The following DNAJC3 variants were observed in gnomAD, a reference collection of about 807,000 sequenced individuals.
DNAJC3 encodes dnaJ homolog subfamily C member 3.
DNAJC3 carries 38 observed loss-of-function variants against 68.6 expected under a neutral mutation model. The observed-to-expected ratio is 0.55, with a 90% CI of 0.43 to 0.73. The LOEUF (loss-of-function observed/expected upper bound fraction) is 0.73. DNAJC3 is among the 30% of genes least tolerant of loss of function. The pLI is 0.00. For missense variants in DNAJC3, 526 were observed against 591.9 expected (o/e 0.89, Z 1.16); for synonymous variants, 203 against 204.0 (o/e 1.00, Z 0.04).
chr13:95,787,021 A>G lies in DNAJC3; in HGVS notation c.1223A>G (p.Gln408Arg). The change falls in exon 11 of 12, where the codon CAA becomes CGA. Residue 408 changes from glutamine to arginine, a missense_variant. Physicochemically the swap from Gln to Arg is conservative, Grantham distance 43. Coordinates refer to ENST00000602402, the MANE Select transcript of DNAJC3 (RefSeq NM_006260.5). The part of the protein sequence containing the change: ...ILGVKRNAKK[Q>R]EIIKAYRKLA... ...CCACCCCTCAGAAATGCCAAAAAGC[A>G]AGAAATTATTAAAGCATACCGAAAA... is the stretch of plus-strand genomic sequence containing the variant. 6.2e-7 allele frequency: 1 copy of G among 1,608,574 alleles called. No individual in the cohort carries two copies. The highest frequency in any genetic ancestry group is 1.7e-5 in the Admixed American group (1 of 58,708).
chr13:95,761,256 AGAG>A (rs1400408871), intron 7 of DNAJC3, among the ~76,000 whole-genome samples: 1 of 152,166 alleles, frequency 6.6e-6, no homozygotes, highest in East Asian at 1.9e-4. Flanking sequence ...AAGGAGTAAA[AGAG>A]GAGCTTTTTT....
intron 4 of DNAJC3, among the ~76,000 whole-genome samples, chr13:95,739,913 C>T (rs1176446874): frequency 1.3e-5 from 2 of 152,182 alleles, no homozygotes; most frequent in African/African-American, 4.8e-5. Context: ...TCCAGTTTTT[C>T]TGTTCTGTTT....
At chr13:95,740,586 C>T (rs377481461) in intron 4 of DNAJC3, among the ~76,000 whole-genome samples, 4 of 152,106 alleles carry the variant, frequency 2.6e-5, no homozygotes, top group Non-Finnish European at 4.4e-5. Flanking sequence ...AGGTGCTGTC[C>T]GTCACCCCTT....
intron 1 of DNAJC3, among the ~76,000 whole-genome samples, chr13:95,687,713 C>T (rs1880106909): frequency 6.6e-6 from 1 of 152,146 alleles, no homozygotes; most frequent in Non-Finnish European, 1.5e-5. Context: ...AATGTGATAC[C>T]TCCAGCTTAG....
At position 95,782,759 on chromosome 13, in the gene DNAJC3, G is replaced by A. The variant is rs118039119; in HGVS notation, c.1076-3180G>A. ...CCATTCATGGCAACAAAATTCTCCC[G>A]TGTAGGTTGCCTGTTCACTCTGATG... On this transcript the variant is annotated intron_variant, in intron 9 of 11. Coordinates refer to ENST00000602402, the MANE Select transcript of DNAJC3 (RefSeq NM_006260.5). Among the ~76,000 whole-genome samples, 646 of 152,110 alleles carry A rather than the reference G, an allele frequency of 4.2e-3. 1 individual carries two copies. The highest frequency in any genetic ancestry group is 7.1e-3 in the Admixed American group (108 of 15,258).
chr13:95,712,872 T>C (rs1436747307), intron 2 of DNAJC3, among the ~76,000 whole-genome samples: 1 of 151,966 alleles, frequency 6.6e-6, no homozygotes, highest in Non-Finnish European at 1.5e-5. Flanking sequence ...GAAAATACAG[T>C]TTTACTTATT....
intron 4 of DNAJC3, chr13:95,743,003 C>G (rs1882195736): frequency 5.1e-6 from 2 of 394,506 alleles, no homozygotes; most frequent in South Asian, 1.9e-5. Context: ...CTTTAGGTAT[C>G]AGATTGCTTC....
chr13:95,759,317 A>C (rs1412366068), intron 5 of DNAJC3, among the ~76,000 whole-genome samples: 1 of 152,164 alleles, frequency 6.6e-6, no homozygotes, highest in Non-Finnish European at 1.5e-5. Flanking sequence ...TTCTTAAAAA[A>C]GGTTTTTGTT....
At position 95,725,187 on chromosome 13, in the gene DNAJC3, C is replaced by G. The variant is rs780240352; in HGVS notation, c.328C>G (p.Gln110Glu). Residue 110 changes from glutamine to glutamate, a missense_variant, in exon 4 of 12, where the codon CAG becomes GAG. Gln to Glu is a conservative substitution (Grantham distance 29, BLOSUM62 2). Transcript: ENST00000602402. Reference sequence around the variant, plus strand: ...CCCCCTTTTTTTCTAGGCAAGATTACAGAGAGGTCACTTATTACTCAAACA... The same window carrying G: ...CCCCCTTTTTTTCTAGGCAAGATTAGAGAGAGGTCACTTATTACTCAAACA... ...LKMDFTAARL[Q>E]RGHLLLKQGK... 2.5e-6 allele frequency: 4 copies of G among 1,579,036 alleles called. No homozygotes were observed. Among genetic ancestry groups the G allele is most frequent in the Non-Finnish European group, 3.4e-6 (4 of 1,166,460 alleles).
At chr13:95,772,418 C>T (rs904092671) in intron 9 of DNAJC3, among the ~76,000 whole-genome samples, 1 of 152,074 alleles carries the variant, frequency 6.6e-6, no homozygotes, top group Non-Finnish European at 1.5e-5. Flanking sequence ...TCATAGTGTA[C>T]GGTGCTTGCT....
chr13:95,745,634 A>G (rs956205392), intron 4 of DNAJC3: 9 of 152,162 alleles, frequency 5.9e-5, no homozygotes, highest in Admixed American at 2.6e-4. Context: ...CAAATTCCTT[A>G]TGCTTTTCCC....
intron 1 of DNAJC3, chr13:95,694,630 T>C (rs1294141855): frequency 6.6e-6 from 1 of 152,650 alleles, no homozygotes; most frequent in Non-Finnish European, 1.5e-5. Flanking sequence ...TTTATTGATC[T>C]CCCCACACCA....
In DNAJC3 at chr13:95,793,689, C is replaced by T. The variant is rs888060561; in HGVS notation, c.*2659C>T. 1.3e-5 allele frequency: 2 copies of T among 152,354 alleles called. No homozygotes were observed. Among genetic ancestry groups the T allele is most frequent in the African/African-American group, 4.8e-5 (2 of 41,390 alleles). The allele number at this position is 152,354 out of a possible 1,614,324, so 9.4% of individuals were successfully genotyped here. A position where few individuals can be genotyped will look rare whatever the true frequency, so the allele number is the denominator to read the frequency against. ...GTGTTAGCCAGGATGGTCTTGATCT[C>T]CTGACCTTGTGATCTGCCCGCCTTG... On this transcript the variant is annotated 3_prime_UTR_variant, in exon 12 of 12. Transcript: ENST00000602402.
chr13:95,748,449 AT>A (rs1327692601), intron 4 of DNAJC3, among the ~76,000 whole-genome samples: 1 of 152,072 alleles, frequency 6.6e-6, no homozygotes, highest in African/African-American at 2.4e-5. Context: ...AACTGTCATC[AT>A]TTTTTTTCCA....
chr13:95,764,645 C>CATATATATATATAT (rs755441205), intron 9 of DNAJC3, among the ~76,000 whole-genome samples: 5 of 56,516 alleles, frequency 8.8e-5, no homozygotes, highest in Non-Finnish European at 1.6e-4. Context: ...AAATAGAATC[C>CATATATATATATAT]ATATATATAT....
chr13:95,793,116 G>A lies in DNAJC3; in HGVS notation c.*2086G>A, dbSNP rs567663452. 1 of 152,212 alleles carries A rather than the reference G, an allele frequency of 6.6e-6. No individual in the cohort carries two copies. The highest frequency in any genetic ancestry group is 2.1e-4 in the South Asian group (1 of 4,824). The allele number at this position is 152,212 out of a possible 1,614,324, so 9.4% of individuals were successfully genotyped here. A position where few individuals can be genotyped will look rare whatever the true frequency, so the allele number is the denominator to read the frequency against. On this transcript the variant is annotated 3_prime_UTR_variant, in exon 12 of 12. Coordinates refer to ENST00000602402, the MANE Select transcript of DNAJC3 (RefSeq NM_006260.5). ...TTTCAGCTCCTAAATTCTTATCATGGATTTACTTAGTCATCTTAACTGACC... is the reference window on the plus strand; with the variant it reads ...TTTCAGCTCCTAAATTCTTATCATGAATTTACTTAGTCATCTTAACTGACC...
In DNAJC3 at chr13:95,723,299, T is replaced by C; in HGVS notation, c.251T>C (p.Met84Thr). Residue 84 changes from methionine to threonine, a missense_variant, in exon 3 of 12, where the codon ATG (methionine) becomes ACG (threonine). By Grantham distance (81) the Met-to-Thr change is moderately conservative. Transcript: ENST00000602402. The stretch of plus-strand genomic sequence containing the variant: ...CGGAGGGCTACTGTCTTTTTAGCTA[T>C]GGGCAAATCAAAAGCTGCACTTCCT... Reference protein sequence around the residue: ...YYRRATVFLAMGKSKAALPDL... With the variant: ...YYRRATVFLATGKSKAALPDL... 6.2e-7 allele frequency: 1 copy of C among 1,612,354 alleles called. No homozygotes were observed. The highest frequency in any genetic ancestry group is 8.5e-7 in the Non-Finnish European group (1 of 1,178,606).
At chr13:95,721,962 T>C (rs1481652605) in intron 2 of DNAJC3, among the ~76,000 whole-genome samples, 1 of 152,204 alleles carries the variant, frequency 6.6e-6, no homozygotes, top group East Asian at 1.9e-4. Flanking sequence ...AGTAGAACTT[T>C]TAGGGAGTTT....
chr13:95,743,181 G>A (rs902214650), intron 4 of DNAJC3, among the ~76,000 whole-genome samples: 6 of 152,140 alleles, frequency 3.9e-5, no homozygotes, highest in Non-Finnish European at 5.9e-5. Flanking sequence ...GATTACTATA[G>A]ATAGTATTAA....
Sources: gnomAD v4.1 joint callset for allele counts (sites outside exome capture counted in the v4.1 genomes callset) on GRCh38, gnomAD v4.1.1 for gene constraint, MANE v1.5 for transcripts, NCBI Gene and HGNC (gene_info 2026-07-23, HGNC 2026-07-21) for gene names.